The following ANO10 variants were observed in gnomAD, a reference collection of about 807,000 sequenced individuals.
ANO10 encodes the protein anoctamin-10.
ANO10 carries 77 observed loss-of-function variants against 74.7 expected under a neutral mutation model. That is an observed-to-expected ratio of 1.03 (90% CI 0.86 to 1.25). ANO10 has a LOEUF of 1.25. ANO10 is among the 50% of genes most tolerant of loss of function. ANO10 has a pLI of 0.00. For synonymous variants in ANO10, 279 were observed against 284.9 expected (o/e 0.98, Z 0.21); for missense variants, 721 against 778.1 (o/e 0.93, Z 0.87).
intron 1 of ANO10, among the ~76,000 whole-genome samples, chr3:43,613,706 A>G (rs2082946954): frequency 6.6e-6 from 1 of 152,188 alleles, no homozygotes; most frequent in Non-Finnish European, 1.5e-5. Context: ...TTAACCTACT[A>G]GTAGAATACA....
At chr3:43,684,329 A>C (rs1363795339) in intron 1 of ANO10, among the ~76,000 whole-genome samples, 1 of 152,270 alleles carries the variant, frequency 6.6e-6, no homozygotes, top group East Asian at 1.9e-4. Flanking sequence ...CACATGAAAA[A>C]ATGCTCATCA....
chr3:43,604,193 A>T (rs945501377), intron 2 of ANO10, among the ~76,000 whole-genome samples: 1 of 152,196 alleles, frequency 6.6e-6, no homozygotes, highest in Non-Finnish European at 1.5e-5. Flanking sequence ...CATACCCATC[A>T]TCTCAAACAT....
chr3:43,685,939 G>A (rs981779869), intron 1 of ANO10, among the ~76,000 whole-genome samples: 1 of 152,144 alleles, frequency 6.6e-6, no homozygotes, highest in Non-Finnish European at 1.5e-5. Flanking sequence ...TTTTGATGTG[G>A]CTAAATTAAT....
intron 11 of ANO10, among the ~76,000 whole-genome samples, chr3:43,549,427 C>G (rs1210948258): frequency 2.0e-5 from 3 of 152,130 alleles, no homozygotes; most frequent in Admixed American, 1.3e-4. Flanking sequence ...AGACGTGAGC[C>G]ATGGCACCTG....
rs117600233 is a variant in ANO10, at chr3:43,467,947, A to G, written c.1798-35220T>C. ...TATAGCTATGAAACTACATGGAAAAACACTGACACTTTATTTAGCTTTCAT... is the reference window on the plus strand; with the variant it reads ...TATAGCTATGAAACTACATGGAAAAGCACTGACACTTTATTTAGCTTTCAT... On this transcript the variant is annotated intron_variant, in intron 11 of 12. Transcript: ENST00000292246. 3.0e-4 allele frequency among the ~76,000 whole-genome samples: 46 copies of G among 152,328 alleles called. No individual in the cohort carries two copies. The East Asian group carries it at 7.1e-3, about 24-fold the overall frequency.
intron 11 of ANO10, among the ~76,000 whole-genome samples, chr3:43,454,681 G>C (rs1467949673): frequency 6.6e-6 from 1 of 152,034 alleles, no homozygotes; most frequent in Non-Finnish European, 1.5e-5. Flanking sequence ...AGAGGAGTCA[G>C]GTAAGGTGAG....
intron 1 of ANO10, among the ~76,000 whole-genome samples, chr3:43,631,618 C>T (rs1351198598): frequency 2.6e-5 from 4 of 151,706 alleles, no homozygotes; most frequent in African/African-American, 9.7e-5. Flanking sequence ...AAAATATTCT[C>T]ATTGTATGAG....
In ANO10 at chr3:43,598,547, G is replaced by T; in HGVS notation, c.457C>A (p.Pro153Thr). The T allele has an allele frequency of 6.2e-7, 1 of 1,613,060 alleles. No homozygotes were observed. Among genetic ancestry groups the T allele is most frequent in the Non-Finnish European group, 8.5e-7 (1 of 1,179,636 alleles). ...IPGYPQAKLY[P>T]GKSLLRRLLT... is the part of the protein sequence containing the mutation. Reference sequence around the variant, plus strand: ...AATGACTTACACAATGATTTTCCTGGATACAACTTTGCCTGAGGGTAACCA... The same window carrying T: ...AATGACTTACACAATGATTTTCCTGTATACAACTTTGCCTGAGGGTAACCA... The change falls in exon 4 of 13, where the codon CCA becomes ACA. Residue 153 changes from proline (P) to threonine (T), a missense_variant. Transcript: ENST00000292246.
At chr3:43,613,091 C>T (rs62252991) in intron 1 of ANO10, among the ~76,000 whole-genome samples, 22,804 of 151,890 alleles carry the variant, frequency 0.15, 2,211 homozygotes, top group Non-Finnish European at 0.22. Flanking sequence ...TTGCTTGAAC[C>T]TGGGAGGTGG....
At chr3:43,526,964 CAT>C (rs1270704371) in intron 11 of ANO10, among the ~76,000 whole-genome samples, 1 of 151,358 alleles carries the variant, frequency 6.6e-6, no homozygotes, top group Admixed American at 6.6e-5. Flanking sequence ...TGTGTGTATA[CAT>C]ATATATACAC....
chr3:43,670,900 G>A lies in ANO10; in HGVS notation c.-12+20617C>T, dbSNP rs566622334. ...TGGAGTGTGCCTAAGCAAAGCAAGT[G>A]TGTGGTGAGACAGCATTTATCAACC... On this transcript the variant is annotated intron_variant, in intron 1 of 3. Coordinates refer to the ANO10 transcript ENST00000413397. 3.3e-3 allele frequency among the ~76,000 whole-genome samples: 501 copies of A among 152,276 alleles called. 1 individual carries two copies. The highest frequency in any genetic ancestry group is 5.2e-3 in the Non-Finnish European group (355 of 68,018).
At chr3:43,507,727 T>C (rs973024329) in intron 11 of ANO10, among the ~76,000 whole-genome samples, 2 of 152,014 alleles carry the variant, frequency 1.3e-5, no homozygotes, top group African/African-American at 2.4e-5. Flanking sequence ...AAAATAAATA[T>C]ACAAGCTCAG....
rs570395730 is a variant in ANO10 at position 43,637,024 on chromosome 3, G to C, written c.-11-31161C>G. ...CAAATAAATAAATAAAAGTTAGCCAGGCAGACGTGGTGGTGCATGCCTGCA... is the reference window on the plus strand; with the variant it reads ...CAAATAAATAAATAAAAGTTAGCCACGCAGACGTGGTGGTGCATGCCTGCA... On this transcript the variant is annotated intron_variant, in intron 1 of 3. Transcript: ENST00000413397. Among the ~76,000 whole-genome samples the C allele has an allele frequency of 3.9e-5, 6 of 152,220 alleles. No homozygotes were observed. In the South Asian group the frequency reaches 1.0e-3, roughly 26 times the overall value.
intron 1 of ANO10, among the ~76,000 whole-genome samples, chr3:43,688,050 A>T (rs914267817): frequency 6.6e-6 from 1 of 152,242 alleles, no homozygotes; most frequent in Non-Finnish European, 1.5e-5. Flanking sequence ...AAGCTAGAAC[A>T]GAGCTACTCC....
rs1268262826 is a variant in ANO10 at position 43,475,835 on chromosome 3, C to T, written c.1798-43108G>A. Among the ~76,000 whole-genome samples, 6 of 152,212 alleles carry T rather than the reference C, an allele frequency of 3.9e-5. No individual in the cohort carries two copies. The East Asian group carries it at 1.2e-3, about 29-fold the overall frequency. On this transcript the variant is annotated intron_variant, in intron 11 of 12. Coordinates refer to ENST00000292246, the MANE Select transcript of ANO10 (RefSeq NM_018075.5). ...CAGGCTGGTCTTGAACTCCTGACCT[C>T]GAGTGATCTGCCCACTTCAGCCTCC...
At chr3:43,656,747 C>T (rs537356424) in intron 1 of ANO10, among the ~76,000 whole-genome samples, 13 of 152,244 alleles carry the variant, frequency 8.5e-5, no homozygotes, top group South Asian at 4.1e-4. Context: ...CCCACGCCCA[C>T]CTGGAACTCC....
chr3:43,486,186 C>T (rs2076480440), intron 11 of ANO10, among the ~76,000 whole-genome samples: 1 of 152,192 alleles, frequency 6.6e-6, no homozygotes, highest in Non-Finnish European at 1.5e-5. Flanking sequence ...ACTATCTATT[C>T]TCTCTGAGGG....
chr3:43,477,442 T>TC (rs2076107396), intron 11 of ANO10, among the ~76,000 whole-genome samples: 1 of 152,204 alleles, frequency 6.6e-6, no homozygotes, highest in Admixed American at 6.5e-5. Flanking sequence ...CAAGACGTAC[T>TC]CCATCTATTA....
intron 4 of ANO10, among the ~76,000 whole-genome samples, chr3:43,596,231 A>C (rs1220771970): frequency 2.0e-5 from 3 of 152,196 alleles, no homozygotes; most frequent in African/African-American, 4.8e-5. Flanking sequence ...CAAGCTACCA[A>C]TGACTTTCTT....
Sources: gnomAD v4.1 joint callset for allele counts (sites outside exome capture counted in the v4.1 genomes callset) on GRCh38, gnomAD v4.1.1 for gene constraint, MANE v1.5 for transcripts, NCBI Gene and HGNC (gene_info 2026-07-23, HGNC 2026-07-21) for gene names.